KCNJ10: variants seen among roughly 807,000 people sequenced by gnomAD.
KCNJ10 encodes the protein ATP-sensitive inward rectifier potassium channel 10.
In KCNJ10, 9 loss-of-function variants were observed where a neutral mutation model predicts 22.2. The ratio of observed to expected loss-of-function variants is 0.40; its 90% CI spans 0.24 to 0.71. The LOEUF (loss-of-function observed/expected upper bound fraction) is 0.71. KCNJ10 is among the 30% of genes least tolerant of loss of function. KCNJ10 has a pLI of 0.35. For missense variants in KCNJ10, 337 were observed against 482.7 expected, an observed-to-expected ratio of 0.70 and a Z score of 2.83; for synonymous variants, 184 against 187.3, an observed-to-expected ratio of 0.98 and a Z score of 0.15.
At position 160,040,686 on chromosome 1, in the gene KCNJ10, T is replaced by G. The variant is rs1648579849; in HGVS notation, c.*707A>C. 1 of 398,774 alleles carries G rather than the reference T, an allele frequency of 2.5e-6. No homozygotes were observed. The highest frequency in any genetic ancestry group is 4.4e-5 in the Admixed American group (1 of 22,952). The allele number at this position is 398,774 out of a possible 1,614,324, so 24.7% of individuals were successfully genotyped here. ...GTTCAGAATCCAGGATAGATATGGG[T>G]GGTTATATGTTTATGTTTCTTGGGC... On this transcript the variant is annotated 3_prime_UTR_variant, in exon 2 of 2. Transcript: ENST00000644903.
At chr1:160,062,337 C>CCCGGAG (rs1315246423) in intron 1 of KCNJ10, among the ~76,000 whole-genome samples, 1 of 152,172 alleles carries the variant, frequency 6.6e-6, no homozygotes, top group Non-Finnish European at 1.5e-5. Context: ...TTGTGCCTGC[C>CCCGGAG]CCGGAGCCGC....
At chr1:160,053,543 G>A (rs1648953510) in intron 1 of KCNJ10, among the ~76,000 whole-genome samples, 1 of 152,002 alleles carries the variant, frequency 6.6e-6, no homozygotes, top group African/African-American at 2.4e-5. Context: ...CTTGCCCCAA[G>A]GAAAATAAAC....
Position 160,040,410 on chromosome 1 carries a change from A to G in KCNJ10, c.*983T>C. 2.5e-6 allele frequency: 1 copy of G among 397,350 alleles called. No individual in the cohort carries two copies. The highest frequency in any genetic ancestry group is 4.4e-6 in the Non-Finnish European group (1 of 225,430). The allele number at this position is 397,350 out of a possible 1,614,324, so 24.6% of individuals were successfully genotyped here. A position where few individuals can be genotyped will look rare whatever the true frequency, so the allele number is the denominator to read the frequency against. On this transcript the variant is annotated 3_prime_UTR_variant, in exon 2 of 2. Transcript: ENST00000644903. The stretch of plus-strand genomic sequence containing the variant: ...CTTGCATTTTCCCTCCCTTCTCCCA[A>G]AGAGTTGGGGTTAAGGAAGAAGGAT...
At chr1:160,054,080 T>C (rs576828746) in intron 1 of KCNJ10, among the ~76,000 whole-genome samples, 1 of 152,304 alleles carries the variant, frequency 6.6e-6, no homozygotes, top group East Asian at 1.9e-4. Flanking sequence ...GGATGGCATC[T>C]TGGGGACCCC....
intron 1 of KCNJ10, among the ~76,000 whole-genome samples, chr1:160,047,742 A>G (rs1571268480): frequency 6.7e-6 from 1 of 148,940 alleles, no homozygotes; most frequent in East Asian, 2.0e-4. Context: ...CCCCCACCTC[A>G]CCCCCCGCCA....
In KCNJ10 at chr1:160,050,300, A is replaced by T. The variant is rs1212029243; in HGVS notation, c.1-7768T>A. Among the ~76,000 whole-genome samples, 3 of 147,030 alleles carry T rather than the reference A, an allele frequency of 2.0e-5. No homozygotes were observed. In the South Asian group the frequency reaches 6.6e-4, roughly 32 times the overall value. ...AGGTGCACACCACCACACCCAGCTA[A>T]TTTTTTTTTTTTTGTAGAGATGGGA... On this transcript the variant is annotated intron_variant, in intron 1 of 1. Transcript: ENST00000644903.
At chr1:160,062,844 G>T (rs1487652202) in intron 1 of KCNJ10, among the ~76,000 whole-genome samples, 1 of 152,120 alleles carries the variant, frequency 6.6e-6, no homozygotes, top group African/African-American at 2.4e-5. Context: ...AGGGTTTGGG[G>T]TCTTTGGGGT....
In KCNJ10 at chr1:160,039,119, G is replaced by C. The variant is rs1418735002; in HGVS notation, c.*2274C>G. The C allele has an allele frequency of 6.5e-6, 1 of 152,708 alleles. No homozygotes were observed. Among genetic ancestry groups the C allele is most frequent in the African/African-American group, 2.4e-5 (1 of 41,446 alleles). 9.5% of individuals were successfully genotyped at this position (152,708 alleles called of 1,614,324 possible). A position where few individuals can be genotyped will look rare whatever the true frequency, so the allele number is the denominator to read the frequency against. On this transcript the variant is annotated 3_prime_UTR_variant, in exon 2 of 2. Transcript: ENST00000644903. ...AGGGGGTAGTTGTTCCCTGTAGGGG[G>C]CTTGTGGGAGAAGATGCCAGATCGC...
intron 1 of KCNJ10, among the ~76,000 whole-genome samples, chr1:160,056,614 A>C (rs1431835553): frequency 6.6e-6 from 1 of 152,086 alleles, no homozygotes; most frequent in South Asian, 2.1e-4. Context: ...CTCTCCCTCT[A>C]TGTTCCCGGG....
At chr1:160,050,516 G>A (rs867589563) in intron 1 of KCNJ10, among the ~76,000 whole-genome samples, 19 of 152,164 alleles carry the variant, frequency 1.2e-4, no homozygotes, top group African/African-American at 3.9e-4. Context: ...ATCAGATGTA[G>A]ATTCTTTCCG....
chr1:160,041,046 G>A lies in KCNJ10; in HGVS notation c.*347C>T, dbSNP rs777312868. ...GTCACCAAACTTCATGGTGGTGGTG[G>A]GAGGTAGGGGGCAGTCTATCCTTCC... On this transcript the variant is annotated 3_prime_UTR_variant, in exon 2 of 2. Transcript: ENST00000644903. This position sits in a 1 kb window ranked among gnomAD's most constrained non-coding sequence, Gnocchi z 4.4. 2.7e-5 allele frequency: 10 copies of A among 364,632 alleles called. No homozygotes were observed. The highest frequency in any genetic ancestry group is 4.1e-5 in the Non-Finnish European group (8 of 195,158). The allele number at this position is 364,632 out of a possible 1,614,324, so 22.6% of individuals were successfully genotyped here. A position where few individuals can be genotyped will look rare whatever the true frequency, so the allele number is the denominator to read the frequency against.
chr1:160,069,748 G>A (rs1307337440), intron 1 of KCNJ10, among the ~76,000 whole-genome samples: 1 of 152,202 alleles, frequency 6.6e-6, no homozygotes, highest in Non-Finnish European at 1.5e-5. Context: ...GGATGCAACT[G>A]CTGGTCTGCC....
chr1:160,043,165 C>T (rs1648651944), intron 1 of KCNJ10, among the ~76,000 whole-genome samples: 1 of 151,844 alleles, frequency 6.6e-6, no homozygotes, highest in East Asian at 1.9e-4. Context: ...AAAACCAGTC[C>T]TCCGAAGAGC....
At chr1:160,049,720 T>TATATATATATATAA (rs1201390198) in intron 1 of KCNJ10, among the ~76,000 whole-genome samples, 3 of 122,942 alleles carry the variant, frequency 2.4e-5, no homozygotes, top group African/African-American at 9.6e-5. Flanking sequence ...TATATATATA[T>TATATATATATATAA]GTTATCCTAA....
intron 1 of KCNJ10, among the ~76,000 whole-genome samples, chr1:160,066,842 T>C (rs1444250823): frequency 6.6e-6 from 1 of 152,166 alleles, no homozygotes; most frequent in African/African-American, 2.4e-5. Context: ...GGGATTTTGT[T>C]GGTGGTTTTT....
chr1:160,053,083 G>A (rs1648941105), intron 1 of KCNJ10, among the ~76,000 whole-genome samples: 1 of 152,116 alleles, frequency 6.6e-6, no homozygotes, highest in African/African-American at 2.4e-5. Flanking sequence ...TGCCTTTCAG[G>A]ACACATTGCG....
rs1321070058 is a variant in KCNJ10, at chr1:160,049,557, A to G, written c.1-7025T>C. 3.3e-5 allele frequency among the ~76,000 whole-genome samples: 5 copies of G among 151,072 alleles called. No individual in the cohort carries two copies. In the East Asian group the frequency reaches 9.7e-4, roughly 29 times the overall value. ...TAATGCCTCTCTTTTCTGAGTTTCC[A>G]TATATGTATATCTATATCCAACTAT... On this transcript the variant is annotated intron_variant, in intron 1 of 1. Transcript: ENST00000644903.
chr1:160,049,695 A>ATATATATATT (rs1553235659), intron 1 of KCNJ10, among the ~76,000 whole-genome samples: 3 of 120,540 alleles, frequency 2.5e-5, no homozygotes, highest in South Asian at 2.6e-4. Flanking sequence ...ATATATATAT[A>ATATATATATT]TATATATATA....
At chr1:160,043,070 C>A (rs1648649909) in intron 1 of KCNJ10, among the ~76,000 whole-genome samples, 1 of 152,114 alleles carries the variant, frequency 6.6e-6, no homozygotes, top group South Asian at 2.1e-4. Context: ...ATTTGTAATT[C>A]TTAGCGGAAG....
Sources: allele counts gnomAD v4.1 joint callset (sites outside exome capture counted in the v4.1 genomes callset), GRCh38; gene constraint gnomAD v4.1.1; non-coding constraint Gnocchi (gnomAD v3.1); transcripts MANE v1.5; gene names NCBI Gene and HGNC (gene_info 2026-07-23, HGNC 2026-07-21).